The following KDM4B variants were observed in gnomAD, a reference collection of about 807,000 sequenced individuals.
KDM4B encodes the protein lysine-specific demethylase 4B.
In KDM4B, 32 loss-of-function variants were observed where a neutral mutation model predicts 125.2. The observed-to-expected ratio is 0.26, with a 90% CI of 0.19 to 0.34. KDM4B has a LOEUF of 0.34. Among genes scored for constraint, KDM4B ranks in the 10% least tolerant of loss-of-function variants. The pLI is 1.00. For synonymous variants in KDM4B, 721 were observed against 677.9 expected (o/e 1.06, Z -0.99); for missense variants, 1,190 against 1,577.7 (o/e 0.75, Z 4.16).
chr19:5,138,655 CAAAAAA>C (rs911185266), intron 18 of KDM4B, among the ~76,000 whole-genome samples: 1 of 150,008 alleles, frequency 6.7e-6, no homozygotes, highest in Non-Finnish European at 1.5e-5. Context: ...GGCACTGTCT[CAAAAAA>C]AAACAAACAA....
rs1283725317 is a variant in KDM4B at position 4,997,289 on chromosome 19, G to T, written c.-108-18968G>T. 4.6e-4 allele frequency among the ~76,000 whole-genome samples: 70 copies of T among 152,066 alleles called. 1 individual carries two copies. The highest frequency in any genetic ancestry group is 4.6e-3 in the Admixed American group (70 of 15,276). ...TTGTTACATAGGATGTTTTCAAGTT[G>T]CCTGATGTGTCCTTCCCTTTAGGGC... On this transcript the variant is annotated intron_variant, in intron 1 of 22. Coordinates refer to ENST00000159111, the MANE Select transcript of KDM4B (RefSeq NM_015015.3). The surrounding 1 kb of genome is among the most constrained non-coding windows in gnomAD (Gnocchi z 4.2).
At chr19:5,121,551 C>T (rs192882746) in intron 11 of KDM4B, among the ~76,000 whole-genome samples, 71 of 152,282 alleles carry the variant, frequency 4.7e-4, no homozygotes, top group Admixed American at 1.0e-3. Flanking sequence ...ATCTGCGAGC[C>T]GCTCGCAGCA....
intron 21 of KDM4B, among the ~76,000 whole-genome samples, chr19:5,145,573 GC>G: frequency 6.6e-6 from 1 of 152,124 alleles, no homozygotes; most frequent in East Asian, 1.9e-4. Context: ...GGGTGACAGA[GC>G]GAGACTCAGC....
At chr19:5,080,769 C>T (rs2038266708) in intron 8 of KDM4B, 2 of 152,220 alleles carry the variant, frequency 1.3e-5, no homozygotes, top group African/African-American at 2.4e-5. Context: ...GTTTTCTTCA[C>T]GAGAGCCCCA....
At chr19:5,144,754 A>T (rs764875704) in intron 20 of KDM4B, 29 bp from the exon 21 acceptor site, 11 of 1,612,932 alleles carry the variant, frequency 6.8e-6, no homozygotes, top group Admixed American at 5.0e-5. Context: ...TGTGGCCAGG[A>T]CCTCACCTCC....
At chr19:5,131,663 A>AGGGGAGGAGGGGGCAGGTGGGGCAGAGG in intron 12 of KDM4B, 118 bp downstream of exon 12, 2 of 222,714 alleles carry the variant, frequency 9.0e-6, no homozygotes, top group Non-Finnish European at 7.6e-6. Context: ...AGGAGGGGAC[A>AGGGGAGGAGGGGGCAGGTGGGGCAGAGG]GGAGGGCTGA....
At chr19:5,001,818 G>A (rs896909) in intron 1 of KDM4B, among the ~76,000 whole-genome samples, 45 of 152,264 alleles carry the variant, frequency 3.0e-4, no homozygotes, top group African/African-American at 1.0e-3. Context: ...CTGTAGTTAT[G>A]AGTGGTGATG....
intron 6 of KDM4B, among the ~76,000 whole-genome samples, chr19:5,057,445 G>A (rs1197025341): frequency 1.3e-5 from 2 of 152,174 alleles, no homozygotes; most frequent in Non-Finnish European, 2.9e-5. Flanking sequence ...TGCCGTGGAC[G>A]GACATTTGGG....
chr19:5,134,117 G>A, intron 14 of KDM4B, 56 bp downstream of exon 14: 1 of 1,511,672 alleles, frequency 6.6e-7, no homozygotes, highest in Non-Finnish European at 8.9e-7. Context: ...CGGTGGGAGA[G>A]GGCGAGGGAC....
chr19:5,102,594 GCCACTC>G, intron 9 of KDM4B, among the ~76,000 whole-genome samples: 1 of 152,190 alleles, frequency 6.6e-6, no homozygotes, highest in Middle Eastern at 3.2e-3. Context: ...GGCATCTGGG[GCCACTC>G]CCGGTCTCTT....
chr19:5,039,585 TG>T (rs906978916), intron 3 of KDM4B, among the ~76,000 whole-genome samples: 27 of 152,294 alleles, frequency 1.8e-4, no homozygotes, highest in African/African-American at 6.0e-4. Flanking sequence ...GCCCTGGTGC[TG>T]GGGGGGTGCT....
In KDM4B at chr19:5,133,973, G is replaced by A. The variant is rs1313308603; in HGVS notation, c.1997G>A (p.Ser666Asn). Residue 666 changes from serine to asparagine, a missense_variant, in exon 14 of 23, where the codon AGC becomes AAC. Transcript: ENST00000159111. ...LSLQWKNRAA[S>N]FQAERKFNAA... Reference sequence around the variant, plus strand: ...CTGCAGTGGAAGAACAGGGCGGCCAGCTTCCAGGCCGAGAGGAAGTTCAAC... The same window carrying A: ...CTGCAGTGGAAGAACAGGGCGGCCAACTTCCAGGCCGAGAGGAAGTTCAAC... The A allele has an allele frequency of 6.2e-7, 1 of 1,612,606 alleles. No homozygotes were observed. Among genetic ancestry groups the A allele is most frequent in the African/African-American group, 1.3e-5 (1 of 74,936 alleles).
intron 1 of KDM4B, among the ~76,000 whole-genome samples, chr19:4,978,176 G>A (rs901526377): frequency 2.0e-5 from 3 of 152,072 alleles, no homozygotes; most frequent in Admixed American, 1.3e-4. Flanking sequence ...AAGGGGGGAC[G>A]AGGCGGAGGA....
In KDM4B at chr19:4,986,279, C is replaced by T. The variant is rs534846499; in HGVS notation, c.-109+17049C>T. On this transcript the variant is annotated intron_variant, in intron 1 of 22. Transcript: ENST00000159111. ...TTTGGAGTCTAGAGCCAGAGCCTGG[C>T]GTGGGACCCGAGCTCGTGAACTCTG... Among the ~76,000 whole-genome samples, 56 of 152,324 alleles carry T rather than the reference C, an allele frequency of 3.7e-4. No homozygotes were observed. The South Asian group carries it at 0.011, about 29-fold the overall frequency.
At chr19:5,091,821 A>G (rs1415047954) in intron 9 of KDM4B, among the ~76,000 whole-genome samples, 1 of 152,132 alleles carries the variant, frequency 6.6e-6, no homozygotes, top group Non-Finnish European at 1.5e-5. Flanking sequence ...GACCCGCTGG[A>G]GCCCACGGCT....
Position 5,071,019 on chromosome 19 carries a change from C to T in KDM4B, c.636C>T (p.Ile212=), listed in dbSNP as rs2037931120. The change falls in exon 7 of 23, where the codon ATC becomes ATT. Residue 212 remains isoleucine (I), a synonymous_variant. Coordinates refer to ENST00000159111, the MANE Select transcript of KDM4B (RefSeq NM_015015.3). ...CTCCCTTCTCTCGCAGGTACGCCAT[C>T]CCACCAGAGCACGGCAAGCGCCTGG... ...HFGEPKSWYA[I]PPEHGKRLER... is the part of the protein sequence containing the mutation. The T allele has an allele frequency of 6.2e-7, 1 of 1,613,570 alleles. No homozygotes were observed. Among genetic ancestry groups the T allele is most frequent in the South Asian group, 1.1e-5 (1 of 91,070 alleles).
intron 10 of KDM4B, chr19:5,111,869 G>A (rs767348549): frequency 1.8e-5 from 14 of 760,486 alleles, no homozygotes; most frequent in East Asian, 9.7e-5. Context: ...GGCTGTGTCC[G>A]TGAAGCTTTG....
intron 9 of KDM4B, among the ~76,000 whole-genome samples, chr19:5,084,866 G>A (rs1357275841): frequency 8.5e-5 from 5 of 59,036 alleles, no homozygotes; most frequent in African/African-American, 1.3e-4. Flanking sequence ...TCCCCCGCCC[G>A]CCGCCCCGGC....
intron 1 of KDM4B, among the ~76,000 whole-genome samples, chr19:4,985,979 G>T (rs2034816907): frequency 6.6e-6 from 1 of 152,258 alleles, no homozygotes; most frequent in South Asian, 2.1e-4. Flanking sequence ...AAACAGCCCA[G>T]AAGAGAAATC....
Sources: gnomAD v4.1 joint callset for allele counts (sites outside exome capture counted in the v4.1 genomes callset) on GRCh38, gnomAD v4.1.1 for gene constraint, Gnocchi (gnomAD v3.1) non-coding constraint, MANE v1.5 for transcripts, NCBI Gene and HGNC (gene_info 2026-07-23, HGNC 2026-07-21) for gene names.